The following TBC1D13 variants were observed in gnomAD, a reference collection of about 807,000 sequenced individuals.
TBC1D13 encodes epididymis secretory sperm binding protein.
In TBC1D13, 40 loss-of-function variants were observed where a neutral mutation model predicts 53.6. The observed-to-expected ratio is 0.75, with a 90% CI of 0.58 to 0.97. The LOEUF (loss-of-function observed/expected upper bound fraction) is 0.97. Among genes scored for constraint, TBC1D13 ranks in the 50% least tolerant of loss-of-function variants. TBC1D13 has a pLI of 0.00. For missense variants in TBC1D13, 377 were observed against 499.4 expected, an observed-to-expected ratio of 0.75 and a Z score of 2.34; for synonymous variants, 182 against 197.7, an observed-to-expected ratio of 0.92 and a Z score of 0.67.
intron 7 of TBC1D13, among the ~76,000 whole-genome samples, chr9:128,798,905 A>C (rs1049744696): frequency 1.3e-5 from 2 of 152,156 alleles, no homozygotes; most frequent in African/African-American, 4.8e-5. Flanking sequence ...ATAGAGACAG[A>C]GTCTTGCGAT....
chr9:128,797,989 A>G (rs1829665566), intron 7 of TBC1D13, among the ~76,000 whole-genome samples: 1 of 152,192 alleles, frequency 6.6e-6, no homozygotes, highest in Admixed American at 6.5e-5. Context: ...GTGGTGGCTC[A>G]TGCCTGTAAT....
chr9:128,807,099 T>C (rs1030598903), intron 11 of TBC1D13, among the ~76,000 whole-genome samples: 1 of 151,072 alleles, frequency 6.6e-6, no homozygotes, highest in African/African-American at 2.4e-5. Context: ...TTGTTTTTTT[T>C]TTTTTGAGAC....
At chr9:128,802,390 T>G (rs1048920039) in intron 7 of TBC1D13, among the ~76,000 whole-genome samples, 3 of 152,182 alleles carry the variant, frequency 2.0e-5, no homozygotes, top group Non-Finnish European at 2.9e-5. Context: ...AAATGTAACT[T>G]ACGTGCAATT....
chr9:128,804,979 TC>T, intron 9 of TBC1D13, among the ~76,000 whole-genome samples: 1 of 151,856 alleles, frequency 6.6e-6, no homozygotes, highest in South Asian at 2.1e-4. Flanking sequence ...TCCGCCTACC[TC>T]CCTCTCCCAA....
chr9:128,805,889 G>T lies in TBC1D13; in HGVS notation c.949G>T (p.Ala317Ser). The part of the protein sequence containing the change: ...QEQNIKPQFF[A>S]FRWLTLLLSQ... Reference sequence around the variant, plus strand: ...GCAGAACATCAAGCCTCAGTTCTTTGCCTTCCGCTGGCTGACACTGCTGCT... The same window carrying T: ...GCAGAACATCAAGCCTCAGTTCTTTTCCTTCCGCTGGCTGACACTGCTGCT... The change falls in exon 10 of 12, where the codon GCC becomes TCC. Residue 317 changes from alanine (A) to serine (S), a missense_variant. Ala to Ser is a moderately conservative substitution (Grantham distance 99). Transcript: ENST00000372648. 2 of 1,613,898 alleles carry T rather than the reference G, an allele frequency of 1.2e-6. No individual in the cohort carries two copies. Among genetic ancestry groups the T allele is most frequent in the Non-Finnish European group, 1.7e-6 (2 of 1,180,018 alleles).
intron 11 of TBC1D13, among the ~76,000 whole-genome samples, chr9:128,806,763 C>T (rs559224839): frequency 3.9e-5 from 6 of 152,048 alleles, no homozygotes; most frequent in African/African-American, 9.6e-5. Flanking sequence ...GCCAACATGG[C>T]GAAACCCCGT....
In TBC1D13 at chr9:128,797,082, C is replaced by G. The variant is rs527368965; in HGVS notation, c.411C>G (p.Phe137Leu). The G allele has an allele frequency of 6.2e-7, 1 of 1,613,944 alleles. No homozygotes were observed. The highest frequency in any genetic ancestry group is 8.5e-7 in the Non-Finnish European group (1 of 1,180,008). ...GGTTGTGCCCAGACATTTCCTTCTT[C>G]CAGAGGGCCACTGACTACCCTTGCC... ...VRRLCPDISF[F>L]QRATDYPCLL... The change falls in exon 7 of 12, where the codon TTC becomes TTG. Residue 137 changes from phenylalanine to leucine, a missense_variant. Phe to Leu is a conservative substitution (Grantham distance 22, BLOSUM62 0). Coordinates refer to ENST00000372648, the MANE Select transcript of TBC1D13 (RefSeq NM_018201.5).
chr9:128,792,828 A>T (rs1829559402), intron 6 of TBC1D13, among the ~76,000 whole-genome samples: 1 of 152,106 alleles, frequency 6.6e-6, no homozygotes, highest in African/African-American at 2.4e-5. Context: ...GTGTTTATGG[A>T]TTCATCTGAC....
intron 7 of TBC1D13, among the ~76,000 whole-genome samples, chr9:128,801,971 T>C (rs145791753): frequency 0.031 from 4,261 of 136,216 alleles, 182 homozygotes; most frequent in Admixed American, 0.065. Context: ...CCGTGTTAGC[T>C]AGGATGGTCT....
intron 9 of TBC1D13, 28 bp from the exon 10 acceptor site, chr9:128,805,831 C>G: frequency 6.2e-7 from 1 of 1,601,626 alleles, no homozygotes; most frequent in Non-Finnish European, 8.5e-7. Context: ...CAGAGTCATG[C>G]CCCCCACCCC....
At chr9:128,791,723 G>A (rs1250987860) in intron 5 of TBC1D13, 30 bp downstream of exon 5, 1 of 1,602,706 alleles carries the variant, frequency 6.2e-7, no homozygotes, top group South Asian at 1.1e-5. Flanking sequence ...GGAGACCCAG[G>A]ATACAGAATG....
chr9:128,791,530 T>C (rs1413646760), intron 4 of TBC1D13, 64 bp from the exon 5 acceptor site: 1 of 1,609,262 alleles, frequency 6.2e-7, no homozygotes, highest in Non-Finnish European at 8.5e-7. Flanking sequence ...CTGCGGCTGC[T>C]GCTCTGCTCT....
chr9:128,792,466 C>G, intron 5 of TBC1D13, 26 bp from the exon 6 acceptor site: 1 of 1,611,914 alleles, frequency 6.2e-7, no homozygotes. Flanking sequence ...GGGCCTTGGA[C>G]AGAGCATCTT....
chr9:128,804,152 G>T (rs1162355306), intron 9 of TBC1D13, 33 bp downstream of exon 9: 2 of 1,608,030 alleles, frequency 1.2e-6, no homozygotes, highest in East Asian at 4.5e-5. Flanking sequence ...GGTGGAAAGG[G>T]ACAGGAGGCA....
rs1430377877 is a variant in TBC1D13, at chr9:128,806,020, G to A, written c.1079+1G>A. The A allele has an allele frequency of 6.2e-7, 1 of 1,613,848 alleles. No individual in the cohort carries two copies. The highest frequency in any genetic ancestry group is 8.5e-7 in the Non-Finnish European group (1 of 1,179,878). ...TCCTCGTCTGCTGCGCCATGCTCAT[G>A]TGAGTGCGGGCATGAGCTGTCATCA... On this transcript the variant is annotated splice_donor_variant, in intron 10 of 11. Coordinates refer to ENST00000372648, the MANE Select transcript of TBC1D13 (RefSeq NM_018201.5). LOFTEE classifies it high-confidence loss of function.
rs1247513432 is a variant in TBC1D13, at chr9:128,806,008, C to T, written c.1068C>T (p.Cys356=). ...NRFDFLLLVC[C]AMLMLIREQL... is the part of the protein sequence containing the mutation. ...TTGACTTCCTCCTCCTCGTCTGCTG[C>T]GCCATGCTCATGTGAGTGCGGGCAT... Residue 356 remains cysteine, a synonymous_variant, in exon 10 of 12, where the codon TGC becomes TGT. Transcript: ENST00000372648. The T allele has an allele frequency of 2.0e-5, 33 of 1,614,030 alleles. No homozygotes were observed. Among genetic ancestry groups the T allele is most frequent in the East Asian group, 4.5e-5 (2 of 44,894 alleles).
chr9:128,791,240 T>G (rs1332527158), intron 3 of TBC1D13, 140 bp from the exon 4 acceptor site: 1 of 811,346 alleles, frequency 1.2e-6, no homozygotes, highest in Non-Finnish European at 2.1e-6. Context: ...CCCTAGCTCA[T>G]GCTGGCATTC....
rs544890536 is a variant in TBC1D13 at position 128,797,417 on chromosome 9, G to T, written c.543+203G>T. Reference sequence around the variant, plus strand: ...TGTGTCCCATCTGGGTGTAATGGCTGCTGGGAAGGGCCCTGCATCACAGTG... The same window carrying T: ...TGTGTCCCATCTGGGTGTAATGGCTTCTGGGAAGGGCCCTGCATCACAGTG... On this transcript the variant is annotated intron_variant, in intron 7 of 11. Transcript: ENST00000372648. Among the ~76,000 whole-genome samples, 11 of 152,272 alleles carry T rather than the reference G, an allele frequency of 7.2e-5. No homozygotes were observed. The South Asian group carries it at 2.1e-3, about 29-fold the overall frequency.
chr9:128,799,410 A>T (rs1029460531), intron 7 of TBC1D13, among the ~76,000 whole-genome samples: 1 of 152,146 alleles, frequency 6.6e-6, no homozygotes, highest in African/African-American at 2.4e-5. Flanking sequence ...CTAGACCATA[A>T]ACTGGGCATA....
Sources: gnomAD v4.1 joint callset for allele counts (sites outside exome capture counted in the v4.1 genomes callset) on GRCh38, gnomAD v4.1.1 for gene constraint, MANE v1.5 for transcripts, NCBI Gene and HGNC (gene_info 2026-07-23, HGNC 2026-07-21) for gene names.